KANK1: variants seen among roughly 807,000 people sequenced by gnomAD.
The protein encoded by KANK1 is KN motif and ankyrin repeat domain-containing protein 1.
A neutral mutation model predicts 106.2 loss-of-function variants in KANK1; 109 were observed. That is an observed-to-expected ratio of 1.03 (90% CI 0.88 to 1.20). The LOEUF (loss-of-function observed/expected upper bound fraction) is 1.20, where lower values mean the gene tolerates loss of function less well. Ranked by LOEUF, KANK1 falls within the 50% of genes most tolerant of loss-of-function variation. The probability of loss-of-function intolerance (pLI) is 0.00; values close to 1 mark genes in which losing one functional copy is unlikely to be tolerated. For missense variants in KANK1, 2,399 were observed against 1,710.7 expected, an observed-to-expected ratio of 1.40 and a Z score of -7.10; for synonymous variants, 873 against 652.2, an observed-to-expected ratio of 1.34 and a Z score of -5.16.
chr9:544,166 G>A (rs573863567), intron 1 of KANK1, among the ~76,000 whole-genome samples: 1 of 151,796 alleles, frequency 6.6e-6, no homozygotes, highest in South Asian at 2.1e-4. Flanking sequence ...GACCACAGGT[G>A]TGCACCACCA....
chr9:673,257 C>G (rs556155280), intron 1 of KANK1, among the ~76,000 whole-genome samples: 15 of 129,308 alleles, frequency 1.2e-4, no homozygotes, highest in African/African-American at 3.8e-4. Flanking sequence ...GCTGTGCAGG[C>G]TGGAATGCAG....
Position 745,480 on chromosome 9 carries a change from C to G in KANK1, c.*245C>G, listed in dbSNP as rs1164144600. The G allele has an allele frequency of 4.5e-5, 19 of 424,638 alleles. No individual in the cohort carries two copies. The East Asian group carries it at 8.3e-4, about 19-fold the overall frequency. 26.3% of individuals were successfully genotyped at this position (424,638 alleles called of 1,614,324 possible). A position where few individuals can be genotyped will look rare whatever the true frequency, so the allele number is the denominator to read the frequency against. The stretch of plus-strand genomic sequence containing the variant: ...CCCAGTCTCTGTTGCTGTTGAGTCT[C>G]TGCTCCGTTTTGTACAGTCACAGGG... On this transcript the variant is annotated 3_prime_UTR_variant, in exon 12 of 12. Transcript: ENST00000382297.
Position 745,521 on chromosome 9 carries a change from G to A in KANK1, c.*286G>A. 1 of 271,900 alleles carries A rather than the reference G, an allele frequency of 3.7e-6. No homozygotes were observed. The highest frequency in any genetic ancestry group is 6.9e-6 in the Non-Finnish European group (1 of 145,342). The allele number at this position is 271,900 out of a possible 1,614,324, so 16.8% of individuals were successfully genotyped here. A position where few individuals can be genotyped will look rare whatever the true frequency, so the allele number is the denominator to read the frequency against. ...AGTCACAGGGAATTCTGATCTGAAG[G>A]GGCACCTTCTGTTCACTCCCACAAA... On this transcript the variant is annotated 3_prime_UTR_variant, in exon 12 of 12. Transcript: ENST00000382297.
intron 3 of KANK1, among the ~76,000 whole-genome samples, chr9:475,024 C>T (rs539495583): frequency 1.3e-5 from 2 of 152,006 alleles, no homozygotes; most frequent in African/African-American, 2.4e-5. Context: ...GTTGTTACAC[C>T]GTCTCTCTCA....
chr9:480,734 G>A (rs913704), intron 3 of KANK1, among the ~76,000 whole-genome samples: 4,563 of 152,186 alleles, frequency 0.03, 231 homozygotes, highest in African/African-American at 0.1. Flanking sequence ...CAGGGGAGCC[G>A]TGTATTAGAG....
chr9:481,749 C>T (rs886838987), intron 3 of KANK1, among the ~76,000 whole-genome samples: 14 of 152,016 alleles, frequency 9.2e-5, no homozygotes, highest in South Asian at 2.1e-4. Flanking sequence ...GATCTCTACT[C>T]GGGAGCATCG....
At chr9:720,387 C>T (rs1828985113) in intron 3 of KANK1, among the ~76,000 whole-genome samples, 1 of 152,206 alleles carries the variant, frequency 6.6e-6, no homozygotes, top group Non-Finnish European at 1.5e-5. Context: ...CTCTGTCTTC[C>T]AGGCTGGAGT....
At chr9:742,879 A>C (rs996160398) in intron 10 of KANK1, among the ~76,000 whole-genome samples, 2 of 152,200 alleles carry the variant, frequency 1.3e-5, no homozygotes, top group Non-Finnish European at 2.9e-5. Flanking sequence ...GTAGCTTGTG[A>C]CACAACATAT....
At chr9:495,721 C>T (rs2058449407) in intron 3 of KANK1, 1 of 152,140 alleles carries the variant, frequency 6.6e-6, no homozygotes, top group South Asian at 2.1e-4. Flanking sequence ...TGGAAGACTC[C>T]CTCCACCCCA....
chr9:667,510 A>G (rs1488972802), intron 1 of KANK1, among the ~76,000 whole-genome samples: 2 of 151,698 alleles, frequency 1.3e-5, no homozygotes, highest in East Asian at 1.9e-4. Context: ...TTAGTCCATT[A>G]TTAGGTTGTC....
intron 1 of KANK1, among the ~76,000 whole-genome samples, chr9:584,698 G>A (rs1823016588): frequency 6.6e-6 from 1 of 152,182 alleles, no homozygotes; most frequent in South Asian, 2.1e-4. Flanking sequence ...ATGTGAGGAT[G>A]GTGCTGGAAG....
intron 1 of KANK1, among the ~76,000 whole-genome samples, chr9:602,848 C>A (rs1828115097): frequency 6.6e-6 from 1 of 151,846 alleles, no homozygotes; most frequent in African/African-American, 2.4e-5. Context: ...GAGATTCCAG[C>A]ATGACTCCTT....
intron 1 of KANK1, among the ~76,000 whole-genome samples, chr9:643,995 G>T (rs1016151777): frequency 2.7e-5 from 4 of 150,918 alleles, no homozygotes; most frequent in Non-Finnish European, 5.9e-5. Flanking sequence ...GAGCTGCCAC[G>T]CCTGGCCTTG....
chr9:591,504 A>G (rs1824867908), intron 1 of KANK1, among the ~76,000 whole-genome samples: 1 of 151,450 alleles, frequency 6.6e-6, no homozygotes, highest in African/African-American at 2.4e-5. Flanking sequence ...CTTGTCACTC[A>G]CCCTTGAACA....
chr9:686,476 C>T (rs1818598394), intron 2 of KANK1, among the ~76,000 whole-genome samples: 1 of 152,160 alleles, frequency 6.6e-6, no homozygotes, highest in African/African-American at 2.4e-5. Flanking sequence ...TGATGATACA[C>T]TGATTTTTAG....
At chr9:520,554 T>C (rs2059498183) in intron 1 of KANK1, among the ~76,000 whole-genome samples, 1 of 151,728 alleles carries the variant, frequency 6.6e-6, no homozygotes, top group South Asian at 2.1e-4. Context: ...TCAGGGAGGT[T>C]AGCGAATAAT....
chr9:530,440 A>G (rs140295559), intron 1 of KANK1, among the ~76,000 whole-genome samples: 97 of 152,230 alleles, frequency 6.4e-4, no homozygotes, highest in Non-Finnish European at 9.3e-4. Context: ...CCAGATGGCT[A>G]CTGGTTTTCC....
At chr9:689,680 C>G (rs1452063805) in intron 2 of KANK1, among the ~76,000 whole-genome samples, 1 of 152,114 alleles carries the variant, frequency 6.6e-6, no homozygotes, top group Non-Finnish European at 1.5e-5. Flanking sequence ...CCCACTTTCT[C>G]CCTCATTGCA....
chr9:620,145 AT>A (rs1337499624), intron 1 of KANK1, among the ~76,000 whole-genome samples: 29 of 144,772 alleles, frequency 2.0e-4, no homozygotes, highest in African/African-American at 7.0e-4. Flanking sequence ...AAAAAAAAAA[AT>A]TGTTTTGTTG....
Sources: allele counts gnomAD v4.1 joint callset (sites outside exome capture counted in the v4.1 genomes callset), GRCh38; gene constraint gnomAD v4.1.1; transcripts MANE v1.5; gene names NCBI Gene and HGNC (gene_info 2026-07-23, HGNC 2026-07-21).